Variants in ARHGAP6 observed in about 807,000 individuals in gnomAD.
The protein encoded by ARHGAP6 is Rho GTPase activating protein 6.
In ARHGAP6, 16 loss-of-function variants were observed where a neutral mutation model predicts 55.7. That is an observed-to-expected ratio of 0.29 (90% CI 0.19 to 0.44). The LOEUF is 0.44. Ranked by LOEUF, ARHGAP6 falls within the 20% of genes least tolerant of loss-of-function variation. ARHGAP6 has a pLI of 1.00. For missense variants in ARHGAP6, 698 were observed against 808.9 expected, an observed-to-expected ratio of 0.86 and a Z score of 1.66; for synonymous variants, 382 against 360.9, an observed-to-expected ratio of 1.06 and a Z score of -0.66.
intron 1 of ARHGAP6, among the ~76,000 whole-genome samples, chrX:11,478,690 C>A (rs1410414829): frequency 9.0e-6 from 1 of 111,581 alleles, no homozygotes; most frequent in Non-Finnish European, 1.9e-5. Context: ...TGAAAAAAAA[C>A]CCATAAAAAT....
At chrX:11,427,683 G>C in intron 1 of ARHGAP6, 1 of 831,916 alleles carries the variant, frequency 1.2e-6, no homozygotes, top group Non-Finnish European at 1.5e-6. Context: ...GCCATCCTGG[G>C]GCAGCCCCTG....
In ARHGAP6 at chrX:11,453,190, C is replaced by A. The variant is rs200171091; in HGVS notation, c.589-198483G>T. Among the ~76,000 whole-genome samples the A allele has an allele frequency of 4.3e-4, 41 of 94,667 alleles. 1 individual carries two copies. The highest frequency in any genetic ancestry group is 8.8e-4 in the African/African-American group (23 of 26,257). The allele number at this position is 94,667 out of a possible 115,157, so 82.2% of individuals were successfully genotyped here. Reference sequence around the variant, plus strand: ...GTTTTATGTGGAATTGGCTCTCTCTCTCTCTATATATATACATAATATATA... The same window carrying A: ...GTTTTATGTGGAATTGGCTCTCTCTATCTCTATATATATACATAATATATA... On this transcript the variant is annotated intron_variant, in intron 1 of 12. Coordinates refer to ENST00000337414, the MANE Select transcript of ARHGAP6 (RefSeq NM_013427.3).
intron 1 of ARHGAP6, among the ~76,000 whole-genome samples, chrX:11,528,462 G>A (rs192570112): frequency 1.6e-3 from 174 of 111,612 alleles, no homozygotes; most frequent in Non-Finnish European, 2.5e-3. Context: ...AGATTCTACC[G>A]ATTCTTGCAT....
intron 1 of ARHGAP6, among the ~76,000 whole-genome samples, chrX:11,372,837 C>T (rs2049160494): frequency 1.1e-5 from 1 of 91,799 alleles, no homozygotes; most frequent in African/African-American, 4.1e-5. Flanking sequence ...TTAATTGGGA[C>T]AATGATTTAC....
At chrX:11,454,664 G>A (rs1208609959) in intron 1 of ARHGAP6, among the ~76,000 whole-genome samples, 5 of 111,858 alleles carry the variant, frequency 4.5e-5, no homozygotes, top group African/African-American at 1.6e-4. Flanking sequence ...GTCTAGCTCT[G>A]CCTCATGTGA....
intron 1 of ARHGAP6, among the ~76,000 whole-genome samples, chrX:11,403,253 G>A (rs1164083974): frequency 3.6e-5 from 4 of 111,378 alleles, no homozygotes; most frequent in African/African-American, 1.3e-4. Flanking sequence ...GATAGTTGAT[G>A]TGAAAACTTC....
At position 11,487,824 on chromosome X, in the gene ARHGAP6, G is replaced by T. The variant is rs776237308; in HGVS notation, c.588+176417C>A. Reference sequence around the variant, plus strand: ...GAGATGAATTGTTTTCCCTGTAATGGAATGCCAAATAATAATTATAGGAGT... The same window carrying T: ...GAGATGAATTGTTTTCCCTGTAATGTAATGCCAAATAATAATTATAGGAGT... On this transcript the variant is annotated intron_variant, in intron 1 of 12. Transcript: ENST00000337414. Among the ~76,000 whole-genome samples the T allele has an allele frequency of 8.1e-5, 9 of 111,631 alleles. No homozygotes were observed. In the East Asian group the frequency reaches 2.5e-3, roughly 31 times the overall value.
intron 2 of ARHGAP6, among the ~76,000 whole-genome samples, chrX:11,214,459 T>C (rs912857319): frequency 8.9e-6 from 1 of 112,685 alleles, no homozygotes; most frequent in African/African-American, 3.2e-5. Context: ...GGCCATTGCA[T>C]CCAAAGGGGT....
intron 1 of ARHGAP6, among the ~76,000 whole-genome samples, chrX:11,300,921 A>G (rs2048166110): frequency 8.9e-6 from 1 of 112,263 alleles, no homozygotes; most frequent in South Asian, 3.7e-4. Context: ...GAGAAAATTT[A>G]AATTATACTG....
At chrX:11,431,405 GT>G (rs2049939500) in intron 1 of ARHGAP6, among the ~76,000 whole-genome samples, 1 of 112,879 alleles carries the variant, frequency 8.9e-6, no homozygotes, top group Non-Finnish European at 1.9e-5. Context: ...TATAGGCTGA[GT>G]TAAAATTTTC....
chrX:11,518,428 G>A (rs2050868734), intron 1 of ARHGAP6, among the ~76,000 whole-genome samples: 1 of 107,131 alleles, frequency 9.3e-6, no homozygotes, highest in Non-Finnish European at 1.9e-5. Flanking sequence ...ACAGGCATGA[G>A]CCACTGTGCC....
At chrX:11,298,930 T>C (rs2048131774) in intron 1 of ARHGAP6, 4 of 1,208,813 alleles carry the variant, frequency 3.3e-6, no homozygotes, top group Non-Finnish European at 3.4e-6. Flanking sequence ...GATCTGACTC[T>C]GGAAGCTTGG....
intron 1 of ARHGAP6, among the ~76,000 whole-genome samples, chrX:11,311,726 C>T (rs993341993): frequency 5.4e-5 from 6 of 111,797 alleles, no homozygotes; most frequent in Admixed American, 4.8e-4. Context: ...CCCAAAGCGC[C>T]GGCTGTGTTC....
chrX:11,587,885 G>A (rs937371893), intron 1 of ARHGAP6, among the ~76,000 whole-genome samples: 5 of 112,438 alleles, frequency 4.4e-5, no homozygotes, highest in Non-Finnish European at 7.5e-5. Context: ...AGCAAAGGGA[G>A]AAGAGTTAAT....
At chrX:11,551,641 G>A (rs2051267688) in intron 1 of ARHGAP6, among the ~76,000 whole-genome samples, 1 of 111,943 alleles carries the variant, frequency 8.9e-6, no homozygotes, top group Non-Finnish European at 1.9e-5. Context: ...AAGTAATCAA[G>A]TTAAAATGAT....
At chrX:11,421,296 T>C (rs572201588) in intron 1 of ARHGAP6, among the ~76,000 whole-genome samples, 1 of 112,732 alleles carries the variant, frequency 8.9e-6, no homozygotes, top group East Asian at 2.8e-4. Context: ...GGTTTCTCTG[T>C]CTCAGCACTA....
Position 11,257,223 on chromosome X carries a change from A to G in ARHGAP6, c.589-2516T>C, listed in dbSNP as rs57649670. Among the ~76,000 whole-genome samples, 794 of 111,924 alleles carry G rather than the reference A, an allele frequency of 7.1e-3. 11 individuals carry two copies. The highest frequency in any genetic ancestry group is 0.024 in the African/African-American group (732 of 30,812). On this transcript the variant is annotated intron_variant, in intron 1 of 12. Transcript: ENST00000337414. ...GATATCAAGCTTAGGTACCTACGGGAGCTGACTGTTATTTGAAGTGTCAAA... is the reference window on the plus strand; with the variant it reads ...GATATCAAGCTTAGGTACCTACGGGGGCTGACTGTTATTTGAAGTGTCAAA...
At chrX:11,649,101 C>T (rs1326324485) in intron 1 of ARHGAP6, among the ~76,000 whole-genome samples, 6 of 112,122 alleles carry the variant, frequency 5.4e-5, no homozygotes, top group African/African-American at 1.9e-4. Flanking sequence ...ACTCTTTTTC[C>T]CTTGCCCTAG....
chrX:11,185,495 CT>C (rs1233076787), intron 5 of ARHGAP6, among the ~76,000 whole-genome samples: 1 of 111,749 alleles, frequency 8.9e-6, no homozygotes, highest in Non-Finnish European at 1.9e-5. Flanking sequence ...TTCACGTTTA[CT>C]TTTTTATTAC....
Sources: allele counts gnomAD v4.1 joint callset (sites outside exome capture counted in the v4.1 genomes callset), GRCh38; gene constraint gnomAD v4.1.1; transcripts MANE v1.5; gene names NCBI Gene and HGNC (gene_info 2026-07-23, HGNC 2026-07-21).